Variants in HSPA14 observed in about 807,000 individuals in gnomAD.
HSPA14 encodes the protein heat shock 70 kDa protein 14.
HSPA14 carries 37 observed loss-of-function variants against 65.5 expected under a neutral mutation model. The observed-to-expected ratio is 0.56, with a 90% confidence interval of 0.43 to 0.74. The LOEUF is 0.74. Ranked by LOEUF, HSPA14 falls within the 30% of genes least tolerant of loss-of-function variation. HSPA14 has a pLI of 0.00. For missense variants in HSPA14, 564 were observed against 607.6 expected (o/e 0.93, Z 0.75); for synonymous variants, 203 against 214.2 (o/e 0.95, Z 0.46).
At chr10:14,867,991 G>T (rs966707812) in intron 12 of HSPA14, 82 bp downstream of exon 12, 46 of 1,108,842 alleles carry the variant, frequency 4.1e-5, no homozygotes, top group Non-Finnish European at 5.7e-5. Context: ...AATACAAAAT[G>T]TGTATATATA....
rs1832815537 is a variant in HSPA14 at position 14,867,289 on chromosome 10, A to G, written c.1200A>G (p.Leu400=). The G allele has an allele frequency of 6.2e-7, 1 of 1,610,660 alleles. No individual in the cohort carries two copies. The highest frequency in any genetic ancestry group is 1.1e-5 in the South Asian group (1 of 90,992). The stretch of plus-strand genomic sequence containing the variant: ...TAGAGTGTTCAGCCAGAGATATTTT[A>G]GTTAAGGTATGTTTAGCTTTTGTAT... ...LMIECSARDI[L]VKGVDESGAS... The change falls in exon 11 of 14, where the codon TTA becomes TTG. Residue 400 remains leucine (L), a synonymous_variant. Coordinates refer to ENST00000378372, the MANE Select transcript of HSPA14 (RefSeq NM_016299.4).
In HSPA14 at chr10:14,870,608, G is replaced by C. The variant is rs1281307886; in HGVS notation, c.1392G>C (p.Gln464His). 4 of 1,583,600 alleles carry C rather than the reference G, an allele frequency of 2.5e-6. No homozygotes were observed. Among genetic ancestry groups the C allele is most frequent in the East Asian group, 2.3e-5 (1 of 43,946 alleles). ...EETKFAQVVL[Q>H]DLDKKENGLR... ...TCTTGTATAAACAGGTTGTACTCCA[G>C]GATTTAGATAAAAAAGAAAATGGAT... Residue 464 changes from glutamine (Q) to histidine (H), a missense_variant, in exon 13 of 14, where the codon CAG becomes CAC. Coordinates refer to ENST00000378372, the MANE Select transcript of HSPA14 (RefSeq NM_016299.4).
chr10:14,845,409 C>T lies in HSPA14; in HGVS notation c.222-3200C>T, dbSNP rs140133997. 3,688 of 985,226 alleles carry T rather than the reference C, an allele frequency of 3.7e-3. 12 individuals are homozygous for T. The highest frequency in any genetic ancestry group is 0.021 in the Middle Eastern group (40 of 1,914). 61.0% of individuals were successfully genotyped at this position (985,226 alleles called of 1,614,324 possible). ...AAATGGACATAGGTGGAGAAATGGTCAGAGCAGCAGTGGGAGCGTACCCAG... is the reference window on the plus strand; with the variant it reads ...AAATGGACATAGGTGGAGAAATGGTTAGAGCAGCAGTGGGAGCGTACCCAG... On this transcript the variant is annotated intron_variant, in intron 3 of 13. Coordinates refer to ENST00000378372, the MANE Select transcript of HSPA14 (RefSeq NM_016299.4).
intron 5 of HSPA14, 60 bp downstream of exon 5, chr10:14,848,955 A>T (rs1300619291): frequency 3.2e-6 from 3 of 926,826 alleles, no homozygotes; most frequent in Non-Finnish European, 5.1e-6. Context: ...TTGACCTTAA[A>T]AAAAAAGTTA....
intron 10 of HSPA14, among the ~76,000 whole-genome samples, chr10:14,865,212 G>C (rs1480631215): frequency 4.6e-5 from 7 of 151,906 alleles, no homozygotes; most frequent in South Asian, 2.1e-4. Flanking sequence ...TTTGTAGATT[G>C]TGGATATTAG....
In HSPA14 at chr10:14,843,276, C is replaced by A. The variant is rs551828645; in HGVS notation, c.221+3119C>A. ...GTGGAAAGAGGCTTTCCAGGAACAA[C>A]CATAGTTTTATAATTTGTCTCAGCT... is the stretch of plus-strand genomic sequence containing the variant. On this transcript the variant is annotated intron_variant, in intron 3 of 13. Coordinates refer to ENST00000378372, the MANE Select transcript of HSPA14 (RefSeq NM_016299.4). 98 of 1,456,284 alleles carry A rather than the reference C, an allele frequency of 6.7e-5. 1 individual carries two copies. In the South Asian group the frequency reaches 1.2e-3, roughly 18 times the overall value. 90.2% of individuals were successfully genotyped at this position (1,456,284 alleles called of 1,614,324 possible). A position where few individuals can be genotyped will look rare whatever the true frequency, so the allele number is the denominator to read the frequency against.
chr10:14,840,121 A>G lies in HSPA14; in HGVS notation c.185A>G (p.Asn62Ser). ...CAAAGTAGAATAAGAAATATTTCAA[A>G]TACAGTAATGAAAGTAAAGCAGATC... ...AKQSRIRNIS[N>S]TVMKVKQILG... Residue 62 changes from asparagine to serine, a missense_variant, in exon 3 of 14, where the codon AAT becomes AGT. Transcript: ENST00000378372. The G allele has an allele frequency of 6.8e-7, 1 of 1,478,712 alleles. No homozygotes were observed. The highest frequency in any genetic ancestry group is 2.2e-4 in the Middle Eastern group (1 of 4,452). The allele number at this position is 1,478,712 out of a possible 1,614,324, so 91.6% of individuals were successfully genotyped here.
At chr10:14,871,451 C>T (rs1588823831) in intron 13 of HSPA14, 77 bp from the exon 14 acceptor site, 3 of 823,478 alleles carry the variant, frequency 3.6e-6, no homozygotes, top group South Asian at 3.1e-5. Context: ...ACTGAAAGCC[C>T]TCAAGTAACT....
At chr10:14,846,985 T>C (rs1318096223) in intron 3 of HSPA14, 2 of 985,342 alleles carry the variant, frequency 2.0e-6, no homozygotes, top group Non-Finnish European at 2.4e-6. Context: ...CAAATAAAGT[T>C]TTCACTTGTA....
intron 3 of HSPA14, among the ~76,000 whole-genome samples, chr10:14,847,867 A>G (rs1834073909): frequency 6.6e-6 from 1 of 152,228 alleles, no homozygotes; most frequent in African/African-American, 2.4e-5. Context: ...ATCATTTACA[A>G]GATGAGTGGG....
intron 10 of HSPA14, among the ~76,000 whole-genome samples, chr10:14,863,120 A>G (rs1488901937): frequency 6.6e-6 from 1 of 152,200 alleles, no homozygotes; most frequent in Non-Finnish European, 1.5e-5. Flanking sequence ...TAATTTCCTA[A>G]TATGGAACTA....
chr10:14,844,097 G>A (rs938740969), intron 3 of HSPA14: 18 of 1,399,694 alleles, frequency 1.3e-5, no homozygotes, highest in East Asian at 2.8e-5. Context: ...TGCCAGGGGT[G>A]ACCTAATAGA....
At chr10:14,871,357 A>G (rs78126274) in intron 13 of HSPA14, among the ~76,000 whole-genome samples, 171 bp from the exon 14 acceptor site, 6,021 of 152,312 alleles carry the variant, frequency 0.04, 399 homozygotes, top group African/African-American at 0.14. Flanking sequence ...AACATATGAC[A>G]CTTACTAAAT....
chr10:14,848,857 C>T lies in HSPA14; in HGVS notation c.338C>T (p.Pro113Leu), dbSNP rs1391054423. 6.3e-7 allele frequency: 1 copy of T among 1,589,920 alleles called. No individual in the cohort carries two copies. The highest frequency in any genetic ancestry group is 8.6e-7 in the Non-Finnish European group (1 of 1,162,396). ...DTGEETKFVN[P>L]EDVARLIFSK... is the part of the protein sequence containing the mutation. The stretch of plus-strand genomic sequence containing the variant: ...GGAGAAGAAACAAAATTTGTTAACC[C>T]AGAAGATGTTGCCAGACTGATATTT... The change falls in exon 5 of 14, where the codon CCA becomes CTA. Residue 113 changes from proline (P) to leucine (L), a missense_variant. Coordinates refer to ENST00000378372, the MANE Select transcript of HSPA14 (RefSeq NM_016299.4).
intron 5 of HSPA14, chr10:14,849,509 G>C: frequency 1.5e-6 from 1 of 650,654 alleles, no homozygotes; most frequent in Non-Finnish European, 2.9e-6. Flanking sequence ...TGTTTGGAAA[G>C]CTAATTCTGT....
chr10:14,843,798 C>G, intron 3 of HSPA14: 2 of 1,536,288 alleles, frequency 1.3e-6, no homozygotes, highest in Admixed American at 3.9e-5. Context: ...TCATCGCAGT[C>G]AGACGTTTGG....
intron 3 of HSPA14, chr10:14,844,487 CG>C (rs45536242): frequency 0.13 from 124,928 of 986,584 alleles, 9,095 homozygotes; most frequent in East Asian, 0.27. Flanking sequence ...GCTCATTAGA[CG>C]ACTATAAGCA....
At chr10:14,859,886 T>C (rs907001385) in intron 10 of HSPA14, among the ~76,000 whole-genome samples, 8 of 152,108 alleles carry the variant, frequency 5.3e-5, no homozygotes, top group African/African-American at 1.9e-4. Flanking sequence ...CAGAGAGCTT[T>C]AGAATTATTT....
chr10:14,850,091 T>A (rs1834096872), intron 6 of HSPA14, among the ~76,000 whole-genome samples: 1 of 152,134 alleles, frequency 6.6e-6, no homozygotes, highest in South Asian at 2.1e-4. Flanking sequence ...CTAGCCAATA[T>A]GGCCAAACCC....
Sources: allele counts gnomAD v4.1 joint callset (sites outside exome capture counted in the v4.1 genomes callset), GRCh38; gene constraint gnomAD v4.1.1; transcripts MANE v1.5; gene names NCBI Gene and HGNC (gene_info 2026-07-23, HGNC 2026-07-21).